CUL5: variants seen among roughly 807,000 people sequenced by gnomAD.
The protein encoded by CUL5 is cullin-5.
CUL5 carries 26 observed loss-of-function variants against 108.8 expected under a neutral mutation model. That is an observed-to-expected ratio of 0.24 (90% CI 0.18 to 0.33). The LOEUF (loss-of-function observed/expected upper bound fraction) is 0.33. Among genes scored for constraint, CUL5 ranks in the 10% least tolerant of loss-of-function variants. The probability of loss-of-function intolerance (pLI) is 1.00; values close to 1 mark genes in which losing one functional copy is unlikely to be tolerated. For synonymous variants in CUL5, 334 were observed against 298.0 expected (o/e 1.12, Z -1.25); for missense variants, 524 against 909.2 (o/e 0.58, Z 5.45).
chr11:108,032,581 G>A (rs982471105), intron 1 of CUL5, among the ~76,000 whole-genome samples: 10 of 150,070 alleles, frequency 6.7e-5, no homozygotes, highest in African/African-American at 2.4e-4. Context: ...CACATATGGG[G>A]TCTCTCTCTC....
chr11:108,034,121 A>G (rs964985432), intron 2 of CUL5, among the ~76,000 whole-genome samples: 1 of 152,298 alleles, frequency 6.6e-6, no homozygotes, highest in South Asian at 2.1e-4. Flanking sequence ...CACAGCTTTG[A>G]GTCATTACAG....
At chr11:108,034,101 C>T (rs552765337) in intron 2 of CUL5, among the ~76,000 whole-genome samples, 190 bp downstream of exon 2, 1 of 152,110 alleles carries the variant, frequency 6.6e-6, no homozygotes, top group Non-Finnish European at 1.5e-5. Flanking sequence ...ACTGAACATA[C>T]AATCATACTC....
At position 108,106,400 on chromosome 11, in the gene CUL5, TG is replaced by T. The variant is rs1258152776; in HGVS notation, c.*2017del. Reference sequence around the variant, plus strand: ...GTCATGATGTTTTGATTTATGAAGGTGAATTTAATGCAAAAGTGGGTAACAC... The same window carrying T: ...GTCATGATGTTTTGATTTATGAAGGTAATTTAATGCAAAAGTGGGTAACAC... On this transcript the variant is annotated 3_prime_UTR_variant, in exon 19 of 19. Transcript: ENST00000393094. 9.2e-5 allele frequency: 14 copies of T among 152,556 alleles called. No homozygotes were observed. The highest frequency in any genetic ancestry group is 1.3e-4 in the Non-Finnish European group (9 of 67,994). The allele number at this position is 152,556 out of a possible 1,614,324, so 9.5% of individuals were successfully genotyped here.
chr11:108,031,157 C>T (rs370323067), intron 1 of CUL5, among the ~76,000 whole-genome samples: 66 of 152,090 alleles, frequency 4.3e-4, no homozygotes, highest in African/African-American at 1.6e-3. Flanking sequence ...CATATGAATC[C>T]AGGAGTTCGA....
In CUL5 at chr11:108,105,164, G is replaced by C. The variant is rs1175752392; in HGVS notation, c.*780G>C. ...TAGTTTAAAAAATTTATGGAGATAG[G>C]TAGGTCATTATGATTGCAGAGCCAA... On this transcript the variant is annotated 3_prime_UTR_variant, in exon 19 of 19. Coordinates refer to ENST00000393094, the MANE Select transcript of CUL5 (RefSeq NM_003478.6). The C allele has an allele frequency of 6.6e-6, 1 of 151,984 alleles. No individual in the cohort carries two copies. Among genetic ancestry groups the C allele is most frequent in the Non-Finnish European group, 1.5e-5 (1 of 67,948 alleles). The allele number at this position is 151,984 out of a possible 1,614,324, so 9.4% of individuals were successfully genotyped here.
intron 10 of CUL5, among the ~76,000 whole-genome samples, chr11:108,075,519 A>G (rs887515131): frequency 2.6e-5 from 4 of 152,158 alleles, no homozygotes; most frequent in Admixed American, 2.6e-4. Context: ...TTGGAATTGG[A>G]AAATAAAAAT....
chr11:108,062,906 C>G lies in CUL5; in HGVS notation c.781-7190C>G, dbSNP rs75856169. ...GCCCACCCAGGCTGGAGTGCTGTGG[C>G]GGGATCTCAGCTCACCGCAACCTCC... is the stretch of plus-strand genomic sequence containing the variant. On this transcript the variant is annotated intron_variant, in intron 7 of 18. Transcript: ENST00000393094. Among the ~76,000 whole-genome samples, 330 of 152,254 alleles carry G rather than the reference C, an allele frequency of 2.2e-3. 1 individual carries two copies. Among genetic ancestry groups the G allele is most frequent in the African/African-American group, 6.7e-3 (279 of 41,550 alleles).
At chr11:108,070,012 A>T in intron 7 of CUL5, 84 bp from the exon 8 acceptor site, 2 of 831,596 alleles carry the variant, frequency 2.4e-6, no homozygotes, top group Admixed American at 2.4e-5. Context: ...TTTTTGTTGA[A>T]CAATATTGTT....
In CUL5 at chr11:108,105,329, A is replaced by G. The variant is rs895705517; in HGVS notation, c.*945A>G. The G allele has an allele frequency of 6.6e-6, 1 of 152,412 alleles. No homozygotes were observed. Among genetic ancestry groups the G allele is most frequent in the African/African-American group, 2.4e-5 (1 of 41,426 alleles). 9.4% of individuals were successfully genotyped at this position (152,412 alleles called of 1,614,324 possible). On this transcript the variant is annotated 3_prime_UTR_variant, in exon 19 of 19. Transcript: ENST00000393094. Reference sequence around the variant, plus strand: ...ACACAGAAATCTCCTGCTCTGATATAGTTATGTAACTGATCTCTTAATCTG... The same window carrying G: ...ACACAGAAATCTCCTGCTCTGATATGGTTATGTAACTGATCTCTTAATCTG...
intron 12 of CUL5, among the ~76,000 whole-genome samples, chr11:108,089,269 T>C (rs1864295165): frequency 6.6e-6 from 1 of 152,168 alleles, no homozygotes. Context: ...AAAAAACTGA[T>C]ATTTAGACCG....
At chr11:108,062,672 A>T (rs973535938) in intron 7 of CUL5, among the ~76,000 whole-genome samples, 1 of 151,918 alleles carries the variant, frequency 6.6e-6, no homozygotes, top group South Asian at 2.1e-4. Flanking sequence ...AACGCATGAT[A>T]ATCACATCAG....
chr11:108,044,707 G>A (rs1204494428), intron 2 of CUL5, among the ~76,000 whole-genome samples: 7 of 150,270 alleles, frequency 4.7e-5, no homozygotes, highest in Admixed American at 4.6e-4. Flanking sequence ...TTTACAACTT[G>A]GTCATTTGAT....
chr11:108,039,287 T>G (rs981297704), intron 2 of CUL5, among the ~76,000 whole-genome samples: 5 of 152,224 alleles, frequency 3.3e-5, no homozygotes, highest in African/African-American at 1.2e-4. Flanking sequence ...CCCAAAGTGC[T>G]GGGATTACAG....
At chr11:108,018,401 G>A (rs1284830108) in intron 1 of CUL5, among the ~76,000 whole-genome samples, 1 of 152,062 alleles carries the variant, frequency 6.6e-6, no homozygotes, top group East Asian at 1.9e-4. Context: ...GGGTGATGGC[G>A]CATGCCTATA....
intron 5 of CUL5, 39 bp from the exon 6 acceptor site, chr11:108,054,608 G>C: frequency 7.3e-7 from 1 of 1,366,742 alleles, no homozygotes; most frequent in Non-Finnish European, 1.0e-6. Context: ...TACTGATTTT[G>C]ATCATAATTG....
intron 18 of CUL5, 141 bp from the exon 19 acceptor site, chr11:108,104,049 A>G: frequency 3.5e-6 from 2 of 569,486 alleles, no homozygotes; most frequent in Non-Finnish European, 6.1e-6. Flanking sequence ...ACTAGTCTCA[A>G]CATTAATCCC....
chr11:108,060,143 A>G (rs771355990), intron 7 of CUL5, among the ~76,000 whole-genome samples: 12 of 152,106 alleles, frequency 7.9e-5, no homozygotes, highest in Admixed American at 1.3e-4. Flanking sequence ...AACCTTCAGT[A>G]TTTTGGTATT....
At chr11:108,079,971 G>A (rs1324382473) in intron 11 of CUL5, among the ~76,000 whole-genome samples, 1 of 152,082 alleles carries the variant, frequency 6.6e-6, no homozygotes, top group Non-Finnish European at 1.5e-5. Flanking sequence ...CACCAATAGA[G>A]TATGAGAGTA....
At chr11:108,022,590 C>T (rs888791329) in intron 1 of CUL5, among the ~76,000 whole-genome samples, 3 of 152,048 alleles carry the variant, frequency 2.0e-5, no homozygotes, top group Non-Finnish European at 4.4e-5. Flanking sequence ...ACACTTACCC[C>T]CAGCCCAAAC....
Sources: allele counts gnomAD v4.1 joint callset (sites outside exome capture counted in the v4.1 genomes callset), GRCh38; gene constraint gnomAD v4.1.1; transcripts MANE v1.5; gene names NCBI Gene and HGNC (gene_info 2026-07-23, HGNC 2026-07-21).